UPF1: variants seen among roughly 807,000 people sequenced by gnomAD.
The protein encoded by UPF1 is regulator of nonsense transcripts 1.
In UPF1, 9 loss-of-function variants were observed where a neutral mutation model predicts 129.2. That is an observed-to-expected ratio of 0.07 (90% confidence interval 0.04 to 0.12). The LOEUF (loss-of-function observed/expected upper bound fraction) is 0.12. Among genes scored for constraint, UPF1 ranks in the 10% least tolerant of loss-of-function variants. The pLI, the probability that UPF1 is intolerant of heterozygous loss-of-function variation, is 1.00. For missense variants in UPF1, 788 were observed against 1,525.3 expected (o/e 0.52, Z 8.05); for synonymous variants, 649 against 644.9 (o/e 1.01, Z -0.10).
At chr19:18,842,714 G>T (rs1415338291) in intron 1 of UPF1, among the ~76,000 whole-genome samples, 1 of 151,932 alleles carries the variant, frequency 6.6e-6, no homozygotes, top group East Asian at 1.9e-4. Context: ...AAAATTTGGG[G>T]GGGTGCTGGG....
At chr19:18,842,233 G>A (rs895251012) in intron 1 of UPF1, among the ~76,000 whole-genome samples, 1 of 152,190 alleles carries the variant, frequency 6.6e-6, no homozygotes, top group Admixed American at 6.5e-5. Flanking sequence ...CACAAATCAC[G>A]TGCAGTCATT....
Position 18,860,898 on chromosome 19 carries a change from C to G in UPF1, c.2373C>G (p.Gly791=), listed in dbSNP as rs758019741. The change falls in exon 17 of 24, where the codon GGC becomes GGG. Residue 791 remains glycine, a synonymous_variant. Coordinates refer to ENST00000262803, the MANE Select transcript of UPF1 (RefSeq NM_002911.4). ...LKAGAKPDQI[G]IITPYEGQRS... is the part of the protein sequence containing the mutation. ...CAGGCGCCAAGCCGGACCAGATTGG[C>G]ATCATCACGCCCTACGAGGGCCAGC... 6.2e-7 allele frequency: 1 copy of G among 1,607,828 alleles called. No individual in the cohort carries two copies. Among genetic ancestry groups the G allele is most frequent in the East Asian group, 2.2e-5 (1 of 44,550 alleles).
chr19:18,854,843 G>T, intron 9 of UPF1, 36 bp from the exon 10 acceptor site: 1 of 1,612,238 alleles, frequency 6.2e-7, no homozygotes, highest in South Asian at 1.1e-5. Flanking sequence ...GGCGGCCACA[G>T]CTGTGCGTGT....
intron 23 of UPF1, 33 bp from the exon 24 acceptor site, chr19:18,866,488 C>T (rs895610142): frequency 1.8e-5 from 5 of 285,646 alleles, no homozygotes; most frequent in African/African-American, 6.6e-5. Context: ...GTCGCAGCCT[C>T]TCACCGCCTC....
Position 18,846,096 on chromosome 19 carries a change from G to A in UPF1, c.348G>A (p.Lys116=). ...EEDEEDTYYT[K]DLPIHACSYC... is the part of the protein sequence containing the mutation. ...ATGAAGAAGACACCTATTACACGAA[G>A]GACCTCCCCATACACGCCTGCAGGT... is the stretch of plus-strand genomic sequence containing the variant. Residue 116 remains lysine (K), a synonymous_variant, in exon 2 of 24, where the codon AAG becomes AAA. Coordinates refer to ENST00000262803, the MANE Select transcript of UPF1 (RefSeq NM_002911.4). The A allele has an allele frequency of 6.2e-7, 1 of 1,614,130 alleles. No homozygotes were observed. Among genetic ancestry groups the A allele is most frequent in the South Asian group, 1.1e-5 (1 of 91,086 alleles).
In UPF1 at chr19:18,847,746, A is replaced by T. The variant is rs2055616057; in HGVS notation, c.374A>T (p.Tyr125Phe). 1.2e-6 allele frequency: 2 copies of T among 1,613,546 alleles called. No homozygotes were observed. Among genetic ancestry groups the T allele is most frequent in the South Asian group, 2.2e-5 (2 of 91,044 alleles). Reference sequence around the variant, plus strand: ...CTGTCGCTGTTTTGATTTTTTAGTTACTGTGGAATACACGATCCTGCCTGC... The same window carrying T: ...CTGTCGCTGTTTTGATTTTTTAGTTTCTGTGGAATACACGATCCTGCCTGC... ...TKDLPIHACS[Y>F]CGIHDPACVV... Residue 125 changes from tyrosine to phenylalanine, a missense_variant and splice_region_variant, in exon 3 of 24, where the codon TAC becomes TTC. Around this residue, in one of 6 missense-constraint regions of UPF1, gnomAD observed 227 missense variants for 517.9 expected, o/e 0.44. Transcript: ENST00000262803.
rs1042912716 is a variant in UPF1 at position 18,860,954 on chromosome 19, G to T, written c.2429G>T (p.Ser810Ile). Residue 810 changes from serine to isoleucine, a missense_variant, in exon 17 of 24, where the codon AGC becomes ATC. Physicochemically the swap from Ser to Ile is moderately radical, Grantham distance 142 (BLOSUM62 -2). Around this residue, in one of 6 missense-constraint regions of UPF1, gnomAD observed 140 missense variants for 385.9 expected, o/e 0.36. Transcript: ENST00000262803. ...RSYLVQYMQF[S>I]GSLHTKLYQE... is the part of the protein sequence containing the mutation. ...TACCTGGTGCAGTACATGCAGTTCA[G>T]CGGCTCCCTGCACACCAAGCTCTAC... The T allele has an allele frequency of 2.5e-6, 4 of 1,586,310 alleles. No homozygotes were observed. Among genetic ancestry groups the T allele is most frequent in the Non-Finnish European group, 3.4e-6 (4 of 1,167,148 alleles).
Position 18,832,543 on chromosome 19 carries a change from C to T in UPF1, c.231+103C>T. On this transcript the variant is annotated intron_variant, in intron 1 of 23. Transcript: ENST00000262803. This position sits in a 1 kb window ranked among gnomAD's most constrained non-coding sequence, Gnocchi z 5.6. Reference sequence around the variant, plus strand: ...CGGCCTGTGTTTGGCCGGAGTCCCCCATCGCGGCCGGGCCTGGGGCGATCT... The same window carrying T: ...CGGCCTGTGTTTGGCCGGAGTCCCCTATCGCGGCCGGGCCTGGGGCGATCT... 1 of 880,290 alleles carries T rather than the reference C, an allele frequency of 1.1e-6. No individual in the cohort carries two copies. The highest frequency in any genetic ancestry group is 5.2e-5 in the South Asian group (1 of 19,318). 54.5% of individuals were successfully genotyped at this position (880,290 alleles called of 1,614,324 possible).
chr19:18,861,442 C>G (rs568186850), intron 17 of UPF1, among the ~76,000 whole-genome samples: 7 of 152,230 alleles, frequency 4.6e-5, no homozygotes, highest in African/African-American at 1.4e-4. Flanking sequence ...GTCTGAGTGG[C>G]CACATGGCAG....
At chr19:18,862,417 TTAATC>T (rs550210283) in intron 18 of UPF1, among the ~76,000 whole-genome samples, 222 of 152,264 alleles carry the variant, frequency 1.5e-3, no homozygotes, top group Admixed American at 3.5e-3. Flanking sequence ...GTCAAGTTGT[TTAATC>T]TGAGAGGCTG....
At chr19:18,862,954 T>C (rs966248333) in intron 18 of UPF1, 30 of 154,722 alleles carry the variant, frequency 1.9e-4, no homozygotes, top group Admixed American at 3.2e-4. Context: ...CCGGCTCATA[T>C]GCGCGGTGGT....
intron 6 of UPF1, 66 bp from the exon 7 acceptor site, chr19:18,852,921 C>G: frequency 1.5e-6 from 2 of 1,359,982 alleles, no homozygotes. Context: ...GGGCCTCGGG[C>G]ATGTGGAGGC....
Position 18,853,445 on chromosome 19 carries a change from GC to G in UPF1, c.1156+97del. On this transcript the variant is annotated intron_variant, in intron 8 of 23. Coordinates refer to ENST00000262803, the MANE Select transcript of UPF1 (RefSeq NM_002911.4). The surrounding 1 kb of genome is among the most constrained non-coding windows in gnomAD (Gnocchi z 4.4). The stretch of plus-strand genomic sequence containing the variant: ...CTGTGGATTTGATGCTCACTGCTGG[GC>G]CAGCATCTCATGCTCTGTGGTGGGT... 8.1e-7 allele frequency: 1 copy of G among 1,235,782 alleles called. No individual in the cohort carries two copies. Among genetic ancestry groups the G allele is most frequent in the Non-Finnish European group, 1.1e-6 (1 of 897,294 alleles). 76.6% of individuals were successfully genotyped at this position (1,235,782 alleles called of 1,614,324 possible).
At chr19:18,844,693 T>C (rs1231768415) in intron 1 of UPF1, among the ~76,000 whole-genome samples, 1 of 152,008 alleles carries the variant, frequency 6.6e-6, no homozygotes, top group Non-Finnish European at 1.5e-5. Flanking sequence ...TTTATTGGAG[T>C]GGCAGCTCTG....
Position 18,850,039 on chromosome 19 carries a change from T to G in UPF1, c.462-36T>G. 3 of 1,613,014 alleles carry G rather than the reference T, an allele frequency of 1.9e-6. No homozygotes were observed. The Middle Eastern group carries it at 5.0e-4, about 266-fold the overall frequency. ...AATTGGAAGTGGTGAAAAGCCAAAT[T>G]TTGGGTGTTAACCGTTTATCATTTC... is the stretch of plus-strand genomic sequence containing the variant. On this transcript the variant is annotated intron_variant, in intron 3 of 23. Transcript: ENST00000262803. This position sits in a 1 kb window ranked among gnomAD's most constrained non-coding sequence, Gnocchi z 7.1.
chr19:18,849,654 C>T (rs537274691), intron 3 of UPF1, among the ~76,000 whole-genome samples: 2 of 152,294 alleles, frequency 1.3e-5, no homozygotes, highest in South Asian at 2.1e-4. Flanking sequence ...GGCACAGGGC[C>T]TCTGAGGAGT....
intron 14 of UPF1, 37 bp downstream of exon 14, chr19:18,857,057 G>A (rs778191449): frequency 1.9e-6 from 3 of 1,591,518 alleles, no homozygotes; most frequent in Non-Finnish European, 2.6e-6. Context: ...GTGAAAACTC[G>A]TGTGTGTGAT....
At chr19:18,857,289 T>G (rs1390957297) in intron 14 of UPF1, 31 bp from the exon 15 acceptor site, 3 of 1,592,570 alleles carry the variant, frequency 1.9e-6, no homozygotes, top group East Asian at 2.2e-5. Context: ...CACCTGAGCT[T>G]CTTGACTTGT....
intron 18 of UPF1, 69 bp downstream of exon 18, chr19:18,862,221 T>C: frequency 2.5e-6 from 4 of 1,584,930 alleles, no homozygotes; most frequent in Non-Finnish European, 3.4e-6. Flanking sequence ...AATTTGGGGC[T>C]AGGGTTGGGG....
Sources: allele counts gnomAD v4.1 joint callset (sites outside exome capture counted in the v4.1 genomes callset), GRCh38; gene constraint gnomAD v4.1.1; regional missense constraint gnomAD v4.1.1; non-coding constraint Gnocchi (gnomAD v3.1); transcripts MANE v1.5; gene names NCBI Gene and HGNC (gene_info 2026-07-23, HGNC 2026-07-21).